RBFOX1: variants seen among roughly 807,000 people sequenced by gnomAD.
RBFOX1 encodes RNA binding fox-1 homolog 1.
A neutral mutation model predicts 57.7 loss-of-function variants in RBFOX1; 8 were observed. That is an observed-to-expected ratio of 0.14 (90% confidence interval 0.08 to 0.25). The LOEUF (loss-of-function observed/expected upper bound fraction) is 0.25, where lower values mean the gene tolerates loss of function less well. Ranked by LOEUF, RBFOX1 falls within the 10% of genes least tolerant of loss-of-function variation. RBFOX1 has a pLI of 1.00. For synonymous variants in RBFOX1, 326 were observed against 222.4 expected (o/e 1.47, Z -4.15); for missense variants, 611 against 548.5 (o/e 1.11, Z -1.14).
chr16:7,174,128 A>C (rs1197550130), intron 4 of RBFOX1, among the ~76,000 whole-genome samples: 1 of 152,216 alleles, frequency 6.6e-6, no homozygotes, highest in African/African-American at 2.4e-5. Context: ...AAATCCACAC[A>C]ATGTGTGATC....
rs538443527 is a variant in RBFOX1 at position 6,745,398 on chromosome 16, T to G, written c.-16+90748T>G. 2.0e-5 allele frequency among the ~76,000 whole-genome samples: 3 copies of G among 152,104 alleles called. No homozygotes were observed. In the East Asian group the frequency reaches 5.8e-4, roughly 29 times the overall value. On this transcript the variant is annotated intron_variant, in intron 3 of 15. Coordinates refer to ENST00000550418, the MANE Select transcript of RBFOX1 (RefSeq NM_018723.4). ...TTCCTCATGAATACCTATGTGAAAA[T>G]TCTAAAACAACAAGCAAATGAAATC...
At chr16:7,238,026 T>C (rs1305563733) in intron 4 of RBFOX1, among the ~76,000 whole-genome samples, 1 of 152,190 alleles carries the variant, frequency 6.6e-6, no homozygotes, top group Non-Finnish European at 1.5e-5. Context: ...GAGATGCTGA[T>C]ACATGCTACA....
chr16:5,912,631 T>A (rs1372659392), intron 4 of RBFOX1, among the ~76,000 whole-genome samples: 1 of 152,188 alleles, frequency 6.6e-6, no homozygotes, highest in Non-Finnish European at 1.5e-5. Context: ...ACAACCCAGA[T>A]AAAAGTATAA....
chr16:6,953,292 C>G (rs2081132906), intron 3 of RBFOX1, among the ~76,000 whole-genome samples: 1 of 152,124 alleles, frequency 6.6e-6, no homozygotes, highest in Non-Finnish European at 1.5e-5. Flanking sequence ...TAAGGCAGAA[C>G]TACTCTGAAA....
rs1204097448 is a variant in RBFOX1 at position 6,009,356 on chromosome 16, G to A, written c.351+142021G>A. ...GTAGGGCTTTGATACAAAGAAGCACGTTCCACAGGGCTTGACTGCCTCCAG... is the reference window on the plus strand; with the variant it reads ...GTAGGGCTTTGATACAAAGAAGCACATTCCACAGGGCTTGACTGCCTCCAG... On this transcript the variant is annotated intron_variant, in intron 4 of 19. Transcript: ENST00000641259. Among the ~76,000 whole-genome samples the A allele has an allele frequency of 3.9e-5, 6 of 152,156 alleles. 1 individual carries two copies. Among genetic ancestry groups the A allele is most frequent in the South Asian group, 4.1e-4 (2 of 4,832 alleles).
chr16:6,478,400 TA>T (rs2095308648), intron 2 of RBFOX1, among the ~76,000 whole-genome samples: 9 of 13,850 alleles, frequency 6.5e-4, no homozygotes, highest in Non-Finnish European at 9.7e-4. Context: ...TATATATATA[TA>T]TATATATATA....
At chr16:6,244,826 A>T (rs918367109) in intron 1 of RBFOX1, among the ~76,000 whole-genome samples, 1 of 152,088 alleles carries the variant, frequency 6.6e-6, no homozygotes, top group African/African-American at 2.4e-5. Context: ...ACTTTTGTTC[A>T]TGCTTTTGGT....
intron 4 of RBFOX1, among the ~76,000 whole-genome samples, chr16:7,425,773 G>T (rs1351797758): frequency 1.3e-5 from 2 of 152,198 alleles, no homozygotes; most frequent in Non-Finnish European, 2.9e-5. Context: ...TTGAACTGGG[G>T]AGAGAAAGGA....
chr16:7,488,499 C>A (rs1363839382), intron 4 of RBFOX1, among the ~76,000 whole-genome samples: 2 of 152,112 alleles, frequency 1.3e-5, no homozygotes, highest in Non-Finnish European at 2.9e-5. Flanking sequence ...TCCATATATA[C>A]ATTCATCCAT....
intron 3 of RBFOX1, among the ~76,000 whole-genome samples, chr16:6,863,359 C>G (rs940028268): frequency 2.6e-5 from 4 of 152,038 alleles, no homozygotes; most frequent in African/African-American, 7.2e-5. Flanking sequence ...AGGGTGGTGA[C>G]TCACTAATCT....
At chr16:7,433,359 G>C (rs150267701) in intron 4 of RBFOX1, among the ~76,000 whole-genome samples, 32 of 152,284 alleles carry the variant, frequency 2.1e-4, no homozygotes, top group Non-Finnish European at 4.1e-4. Context: ...AATTCTCACT[G>C]ATACTTTTTC....
chr16:5,457,966 C>T (rs745404757), intron 1 of RBFOX1, among the ~76,000 whole-genome samples: 1 of 152,152 alleles, frequency 6.6e-6, no homozygotes, highest in Non-Finnish European at 1.5e-5. Context: ...GATGAGAACT[C>T]TGACCCACTT....
intron 4 of RBFOX1, among the ~76,000 whole-genome samples, chr16:7,097,304 C>T (rs1599405451): frequency 2.0e-5 from 3 of 152,036 alleles, no homozygotes; most frequent in African/African-American, 4.8e-5. Context: ...GGCTCAGCCT[C>T]AGATGTGAGG....
intron 3 of RBFOX1, among the ~76,000 whole-genome samples, chr16:5,651,288 C>T (rs1461921159): frequency 1.3e-5 from 2 of 152,042 alleles, no homozygotes; most frequent in South Asian, 2.1e-4. Context: ...CCTGGCCTCA[C>T]GTGACCCACC....
At chr16:7,690,919 C>G (rs1012299389) in intron 14 of RBFOX1, among the ~76,000 whole-genome samples, 2 of 152,214 alleles carry the variant, frequency 1.3e-5, no homozygotes, top group South Asian at 4.1e-4. Context: ...TGTCCTGACA[C>G]TGCAGGCCAC....
intron 1 of RBFOX1, among the ~76,000 whole-genome samples, chr16:5,388,034 A>T (rs1052097578): frequency 6.6e-6 from 1 of 152,212 alleles, no homozygotes; most frequent in African/African-American, 2.4e-5. Flanking sequence ...AATGAAGAAG[A>T]AAATGAATAA....
chr16:5,480,340 T>G (rs1218478080), intron 2 of RBFOX1, among the ~76,000 whole-genome samples: 5 of 151,702 alleles, frequency 3.3e-5, no homozygotes, highest in African/African-American at 9.7e-5. Context: ...TACACATCCA[T>G]AAACACCTCG....
At chr16:6,719,228 A>G (rs1258357521) in intron 3 of RBFOX1, among the ~76,000 whole-genome samples, 6 of 152,096 alleles carry the variant, frequency 3.9e-5, no homozygotes, top group Non-Finnish European at 8.8e-5. Flanking sequence ...ACTTTCCTTC[A>G]TAGTATTCAA....
intron 3 of RBFOX1, among the ~76,000 whole-genome samples, chr16:6,835,866 T>G (rs1212718858): frequency 1.3e-5 from 2 of 151,410 alleles, no homozygotes; most frequent in East Asian, 3.9e-4. Context: ...CCAGGCTCCT[T>G]CCCTAGGTGG....
Sources: allele counts gnomAD v4.1 joint callset (sites outside exome capture counted in the v4.1 genomes callset), GRCh38; gene constraint gnomAD v4.1.1; transcripts MANE v1.5; gene names NCBI Gene and HGNC (gene_info 2026-07-23, HGNC 2026-07-21).